Variants in CMTM4 observed in about 807,000 individuals in gnomAD.
CMTM4 encodes the protein CKLF-like MARVEL transmembrane domain-containing protein 4.
In CMTM4, 8 loss-of-function variants were observed where a neutral mutation model predicts 19.0. That is an observed-to-expected ratio of 0.42 (90% confidence interval 0.25 to 0.76). The LOEUF (loss-of-function observed/expected upper bound fraction) is 0.76, where lower values mean the gene tolerates loss of function less well. CMTM4 is among the 30% of genes least tolerant of loss of function. The pLI is 0.27. For synonymous variants in CMTM4, 106 were observed against 121.1 expected, an observed-to-expected ratio of 0.88 and a Z score of 0.82; for missense variants, 228 against 290.2, an observed-to-expected ratio of 0.79 and a Z score of 1.56.
At chr16:66,628,095 G>C (rs1356857527) in intron 2 of CMTM4, among the ~76,000 whole-genome samples, 3 of 152,248 alleles carry the variant, frequency 2.0e-5, no homozygotes. Flanking sequence ...CATCTCAGTG[G>C]AGTAAAGAAT....
chr16:66,658,248 GGAAGGAGA>G (rs1433534225), intron 1 of CMTM4, among the ~76,000 whole-genome samples: 1 of 138,374 alleles, frequency 7.2e-6, no homozygotes, highest in Admixed American at 7.2e-5. Flanking sequence ...AAGGAGGGAG[GGAAGGAGA>G]GAAGGAGGGA....
At chr16:66,694,254 T>C (rs535056340) in intron 1 of CMTM4, among the ~76,000 whole-genome samples, 1 of 152,310 alleles carries the variant, frequency 6.6e-6, no homozygotes, top group South Asian at 2.1e-4. Context: ...TCAATTCTTT[T>C]ACTAGATCCT....
intron 1 of CMTM4, among the ~76,000 whole-genome samples, chr16:66,694,712 CAAAAAAA>C (rs752909314): frequency 1.0e-3 from 45 of 44,352 alleles, no homozygotes; most frequent in Non-Finnish European, 1.5e-3. Flanking sequence ...GACTCCATCT[CAAAAAAA>C]AAAAAAAAAA....
chr16:66,621,409 G>T lies in CMTM4; in HGVS notation c.*649C>A. 1.0e-6 allele frequency: 1 copy of T among 985,900 alleles called. No homozygotes were observed. The highest frequency in any genetic ancestry group is 1.2e-6 in the Non-Finnish European group (1 of 829,944). The allele number at this position is 985,900 out of a possible 1,614,324, so 61.1% of individuals were successfully genotyped here. A position where few individuals can be genotyped will look rare whatever the true frequency, so the allele number is the denominator to read the frequency against. On this transcript the variant is annotated 3_prime_UTR_variant, in exon 4 of 4. Transcript: ENST00000394106. ...CCCATATTCCTGGAGAAGAATCTGG[G>T]GTTCAGGAAGGTGATTCATTTGAGG...
At chr16:66,607,935 C>T in the CMTM4 span, among the ~76,000 whole-genome samples, 1 of 151,904 alleles carries the variant, frequency 6.6e-6, no homozygotes, top group African/African-American at 2.4e-5. Context: ...GCCTCGACCT[C>T]CCCGGGCTCA....
intron 1 of CMTM4, among the ~76,000 whole-genome samples, chr16:66,650,294 G>GT (rs1483263289): frequency 1.3e-5 from 2 of 152,310 alleles, no homozygotes; most frequent in East Asian, 3.9e-4. Context: ...ATTAGCAGTG[G>GT]TTCCTAAAGT....
At chr16:66,661,747 C>T (rs1023825395) in intron 1 of CMTM4, among the ~76,000 whole-genome samples, 1 of 151,934 alleles carries the variant, frequency 6.6e-6, no homozygotes, top group Non-Finnish European at 1.5e-5. Context: ...CTGGCCAACA[C>T]GGTGAAACCC....
At chr16:66,605,641 G>A in the CMTM4 span, 1 of 153,906 alleles carries the variant, frequency 6.5e-6, no homozygotes, top group Admixed American at 6.5e-5. The surrounding 1 kb of genome is among the most constrained non-coding windows in gnomAD (Gnocchi z 4.6). Flanking sequence ...CGGGAGGAGA[G>A]AGCGGCGCAC....
At chr16:66,605,032 G>A in the CMTM4 span, 17 of 1,263,750 alleles carry the variant, frequency 1.3e-5, no homozygotes, top group African/African-American at 3.2e-5. This position sits in a 1 kb window ranked among gnomAD's most constrained non-coding sequence, Gnocchi z 4.6. Context: ...CGCGGGTGGG[G>A]TCCGGGGGCG....
At chr16:66,609,491 C>G in the CMTM4 span, 1 of 1,611,124 alleles carries the variant, frequency 6.2e-7, no homozygotes, top group Admixed American at 1.7e-5. The surrounding 1 kb of genome is among the most constrained non-coding windows in gnomAD (Gnocchi z 4.4). Flanking sequence ...CCATCACGGC[C>G]ATCGCCAAGT....
intron 1 of CMTM4, among the ~76,000 whole-genome samples, chr16:66,661,471 G>A (rs1014667613): frequency 6.6e-6 from 1 of 152,204 alleles, no homozygotes; most frequent in South Asian, 2.1e-4. Flanking sequence ...GAGCTAAGCA[G>A]TCCCAAATCT....
chr16:66,692,562 C>T (rs755309790), intron 1 of CMTM4, among the ~76,000 whole-genome samples: 1 of 152,336 alleles, frequency 6.6e-6, no homozygotes, highest in African/African-American at 2.4e-5. Flanking sequence ...TAAGGCCAAA[C>T]TTGGAATAGC....
chr16:66,604,817 AGACCCC>A, the CMTM4 span: 3 of 1,282,300 alleles, frequency 2.3e-6, no homozygotes, highest in East Asian at 3.2e-5. Context: ...TGTGGCCCCC[AGACCCC>A]GACCCCGACC....
intron 2 of CMTM4, among the ~76,000 whole-genome samples, chr16:66,628,369 T>C (rs796715211): frequency 4.6e-5 from 7 of 152,336 alleles, no homozygotes; most frequent in African/African-American, 1.7e-4. Context: ...TTTCAGACTA[T>C]CTCACGGGGA....
intron 1 of CMTM4, among the ~76,000 whole-genome samples, chr16:66,637,502 C>T (rs1048630546): frequency 1.6e-4 from 24 of 152,088 alleles, no homozygotes; most frequent in African/African-American, 5.8e-4. Context: ...TGAGATCGCG[C>T]CATTGCACTC....
the CMTM4 span, chr16:66,604,126 T>TGC: frequency 8.4e-3 from 1,278 of 152,158 alleles, 11 homozygotes; most frequent in Non-Finnish European, 0.014. Flanking sequence ...TGTGTGTGTT[T>TGC]GCGCGCGCGC....
chr16:66,609,370 C>A, the CMTM4 span: 1 of 1,433,740 alleles, frequency 7.0e-7, no homozygotes, highest in South Asian at 1.2e-5. This position sits in a 1 kb window ranked among gnomAD's most constrained non-coding sequence, Gnocchi z 4.4. Context: ...ACCAGGCTGC[C>A]AGGCCTCCTC....
intron 1 of CMTM4, among the ~76,000 whole-genome samples, chr16:66,654,459 C>T (rs1030383211): frequency 1.3e-5 from 2 of 152,206 alleles, no homozygotes; most frequent in Non-Finnish European, 2.9e-5. Context: ...CTCCTCCAGA[C>T]TCACACTCCC....
intron 2 of CMTM4, among the ~76,000 whole-genome samples, chr16:66,631,592 A>T (rs1437848522): frequency 6.6e-6 from 1 of 152,328 alleles, no homozygotes; most frequent in East Asian, 1.9e-4. Context: ...ACTAAGAAAA[A>T]TTCTTCTGCC....
Sources: allele counts gnomAD v4.1 joint callset (sites outside exome capture counted in the v4.1 genomes callset), GRCh38; gene constraint gnomAD v4.1.1; non-coding constraint Gnocchi (gnomAD v3.1); transcripts MANE v1.5; gene names NCBI Gene and HGNC (gene_info 2026-07-23, HGNC 2026-07-21).